The following NCAM1 variants were observed in gnomAD, a reference collection of about 807,000 sequenced individuals.
The protein encoded by NCAM1 is antigen recognized by monoclonal antibody 5.1H11.
Under a neutral mutation model 109.8 loss-of-function variants are expected in NCAM1, and 14 were observed. The observed-to-expected ratio is 0.13, with a 90% confidence interval of 0.08 to 0.20. The LOEUF is 0.20. Among genes scored for constraint, NCAM1 ranks in the 10% least tolerant of loss-of-function variants. NCAM1 has a pLI of 1.00. For synonymous variants in NCAM1, 418 were observed against 442.9 expected (o/e 0.94, Z 0.70); for missense variants, 774 against 1,109.9 (o/e 0.70, Z 4.30).
intron 1 of NCAM1, among the ~76,000 whole-genome samples, chr11:113,104,466 C>A (rs1324659767): frequency 6.6e-6 from 1 of 151,610 alleles, no homozygotes; most frequent in African/African-American, 2.4e-5. Context: ...TGAAACTTAT[C>A]TATTTGTTAT....
intron 9 of NCAM1, among the ~76,000 whole-genome samples, chr11:113,225,274 T>A (rs939750366): frequency 6.6e-6 from 1 of 152,186 alleles, no homozygotes; most frequent in Non-Finnish European, 1.5e-5. Context: ...GCACGAGAAC[T>A]ACATGATGAA....
At chr11:113,026,930 C>G (rs1261596039) in intron 1 of NCAM1, among the ~76,000 whole-genome samples, 1 of 152,166 alleles carries the variant, frequency 6.6e-6, no homozygotes, top group Non-Finnish European at 1.5e-5. Context: ...TCCCTCTCTT[C>G]CAGGGTCTTC....
intron 1 of NCAM1, among the ~76,000 whole-genome samples, chr11:113,077,926 A>T (rs1033874267): frequency 6.6e-6 from 1 of 152,016 alleles, no homozygotes; most frequent in African/African-American, 2.4e-5. Context: ...ACCTCAGGTG[A>T]TTCACCCACC....
intron 1 of NCAM1, among the ~76,000 whole-genome samples, chr11:113,114,509 C>T (rs545133837): frequency 4.6e-5 from 7 of 152,326 alleles, no homozygotes; most frequent in African/African-American, 1.2e-4. Flanking sequence ...AATGACCCCA[C>T]GATTTCTTCT....
chr11:113,002,186 A>T (rs1555072580), intron 1 of NCAM1, among the ~76,000 whole-genome samples: 1 of 152,212 alleles, frequency 6.6e-6, no homozygotes, highest in Non-Finnish European at 1.5e-5. Context: ...ATGGGGGAGC[A>T]GTTGTTTCCT....
intron 1 of NCAM1, among the ~76,000 whole-genome samples, chr11:112,969,935 T>C (rs1405262403): frequency 2.0e-5 from 3 of 151,904 alleles, no homozygotes; most frequent in African/African-American, 4.8e-5. Context: ...ACTGGGAAAA[T>C]TGAGAGGCAA....
At chr11:113,063,491 G>A (rs1021942157) in intron 1 of NCAM1, among the ~76,000 whole-genome samples, 10 of 152,176 alleles carry the variant, frequency 6.6e-5, no homozygotes, top group Non-Finnish European at 1.3e-4. Flanking sequence ...TGCCTCCTCT[G>A]CAGACCACTT....
chr11:113,182,235 C>T (rs1266979876), intron 1 of NCAM1, among the ~76,000 whole-genome samples: 4 of 152,210 alleles, frequency 2.6e-5, no homozygotes, highest in African/African-American at 9.6e-5. Flanking sequence ...TTCTCTATTT[C>T]TCCAAGCTCA....
At chr11:113,077,043 C>G (rs1303116138) in intron 1 of NCAM1, among the ~76,000 whole-genome samples, 2 of 152,036 alleles carry the variant, frequency 1.3e-5, no homozygotes, top group African/African-American at 4.8e-5. Context: ...ATAAATAATC[C>G]CAAGTCACTC....
intron 1 of NCAM1, among the ~76,000 whole-genome samples, chr11:113,007,621 A>G (rs529061723): frequency 3.9e-5 from 6 of 152,352 alleles, no homozygotes; most frequent in Admixed American, 6.5e-5. Flanking sequence ...AGCTGATGGC[A>G]TCTTACAGTT....
At chr11:113,015,196 A>G (rs1475793828) in intron 1 of NCAM1, among the ~76,000 whole-genome samples, 3 of 152,206 alleles carry the variant, frequency 2.0e-5, no homozygotes, top group African/African-American at 7.2e-5. Flanking sequence ...CTAAGGAGAC[A>G]GACAGGCTTA....
chr11:113,263,220 A>G, intron 17 of NCAM1: 2 of 1,086,484 alleles, frequency 1.8e-6, no homozygotes, highest in Non-Finnish European at 2.2e-6. Context: ...AGATTTACAG[A>G]GAAGTTTCTG....
chr11:113,160,931 G>A (rs568841516), intron 1 of NCAM1, among the ~76,000 whole-genome samples: 18 of 152,172 alleles, frequency 1.2e-4, no homozygotes, highest in Non-Finnish European at 1.9e-4. Context: ...GGGCTTTTTC[G>A]AGAGTTTAAA....
rs145859913 is a variant in NCAM1, at chr11:113,099,323, G to GCAT, written c.53-103056_53-103055insCAT. Among the ~76,000 whole-genome samples, 710 of 152,296 alleles carry GCAT rather than the reference G, an allele frequency of 4.7e-3. 8 individuals carry two copies. Among genetic ancestry groups the GCAT allele is most frequent in the Middle Eastern group, 0.014 (4 of 294 alleles). On this transcript the variant is annotated intron_variant, in intron 1 of 19. Transcript: ENST00000316851. Reference sequence around the variant, plus strand: ...TAAAGAAAACATCATGAGGAGATGGGAGGGGAGTTTAGTACAGTGATATAT... The same window carrying GCAT: ...TAAAGAAAACATCATGAGGAGATGGGCATAGGGGAGTTTAGTACAGTGATATAT...
intron 10 of NCAM1, 142 bp downstream of exon 10, chr11:113,231,937 GCT>G (rs1295244111): frequency 1.6e-6 from 2 of 1,228,562 alleles, no homozygotes; most frequent in African/African-American, 1.5e-5. Flanking sequence ...CTATTTCAGA[GCT>G]CTGTTCCCAA....
intron 2 of NCAM1, among the ~76,000 whole-genome samples, chr11:113,202,828 A>T (rs1944110269): frequency 2.0e-5 from 3 of 152,194 alleles, no homozygotes; most frequent in Non-Finnish European, 4.4e-5. Flanking sequence ...ACTTCGGTGG[A>T]TCTGTTTAAG....
intron 9 of NCAM1, among the ~76,000 whole-genome samples, chr11:113,222,531 G>T (rs559499245): frequency 1.3e-5 from 2 of 152,210 alleles, no homozygotes; most frequent in East Asian, 3.8e-4. Context: ...GAGGCTTCCC[G>T]CCTGTGGCAC....
intron 1 of NCAM1, among the ~76,000 whole-genome samples, chr11:113,052,211 G>A (rs1361338096): frequency 2.0e-5 from 3 of 152,188 alleles, no homozygotes; most frequent in Non-Finnish European, 4.4e-5. Flanking sequence ...TAAGGGAATT[G>A]CTGCAAGTCG....
intron 1 of NCAM1, among the ~76,000 whole-genome samples, chr11:113,015,148 C>T (rs1952175665): frequency 6.6e-6 from 1 of 152,214 alleles, no homozygotes; most frequent in Non-Finnish European, 1.5e-5. Context: ...TCTTGCACCT[C>T]ACCCTCTCAT....
Sources: gnomAD v4.1 joint callset for allele counts (sites outside exome capture counted in the v4.1 genomes callset) on GRCh38, gnomAD v4.1.1 for gene constraint, MANE v1.5 for transcripts, NCBI Gene and HGNC (gene_info 2026-07-23, HGNC 2026-07-21) for gene names.